The following NAA16 variants were observed in gnomAD, a reference collection of about 807,000 sequenced individuals.
NAA16 encodes N-alpha-acetyltransferase 16, NatA auxiliary subunit, also known as NARG1-like protein.
NAA16 carries 97 observed loss-of-function variants against 110.3 expected under a neutral mutation model. The observed-to-expected ratio is 0.88, with a 90% confidence interval of 0.75 to 1.04. NAA16 has a LOEUF of 1.04. Ranked by LOEUF, NAA16 falls within the 50% of genes least tolerant of loss-of-function variation. The pLI is 0.00. For synonymous variants in NAA16, 372 were observed against 330.6 expected (o/e 1.13, Z -1.36); for missense variants, 1,017 against 1,005.1 (o/e 1.01, Z -0.16).
chr13:41,318,974 T>C (rs2041878001), intron 3 of NAA16, 64 bp downstream of exon 3: 3 of 929,370 alleles, frequency 3.2e-6, no homozygotes, highest in Non-Finnish European at 4.7e-6. Context: ...TCAAATTAAA[T>C]TTGTACTATG....
chr13:41,370,695 G>T (rs2043298994), intron 15 of NAA16, among the ~76,000 whole-genome samples: 1 of 152,118 alleles, frequency 6.6e-6, no homozygotes, highest in Admixed American at 6.6e-5. Context: ...CAGAACCCCT[G>T]GCCATCCGGA....
chr13:41,353,101 C>T (rs2042881525), intron 9 of NAA16, among the ~76,000 whole-genome samples: 2 of 114,892 alleles, frequency 1.7e-5, no homozygotes, highest in Admixed American at 9.8e-5. Flanking sequence ...GGTGACAGAG[C>T]GAGACTCCAT....
At chr13:41,373,616 C>T in intron 17 of NAA16, 21 bp from the exon 18 acceptor site, 1 of 1,548,992 alleles carries the variant, frequency 6.5e-7, no homozygotes, top group East Asian at 2.3e-5. Context: ...ACAAAAAATC[C>T]AAATGTTTTT....
At chr13:41,353,768 TAC>T (rs58020530) in intron 9 of NAA16, among the ~76,000 whole-genome samples, 49,422 of 146,408 alleles carry the variant, frequency 0.34, 8,285 homozygotes, top group Admixed American at 0.41. Context: ...CCCTGTCTCT[TAC>T]ACACACACAC....
At chr13:41,314,000 G>A (rs745864165) in intron 1 of NAA16, among the ~76,000 whole-genome samples, 1 of 152,090 alleles carries the variant, frequency 6.6e-6, no homozygotes, top group Admixed American at 6.5e-5. Flanking sequence ...GAGATTACAG[G>A]TTGACTTGTC....
At position 41,331,177 on chromosome 13, in the gene NAA16, C is replaced by G. The variant is rs116360230; in HGVS notation, c.812-97C>G. Reference sequence around the variant, plus strand: ...GAAAGCAGCTTTAATATTGTTAATGCAGTTTTATTTATAACAAAATTTTAG... The same window carrying G: ...GAAAGCAGCTTTAATATTGTTAATGGAGTTTTATTTATAACAAAATTTTAG... On this transcript the variant is annotated intron_variant, in intron 7 of 19. Coordinates refer to ENST00000379406, the MANE Select transcript of NAA16 (RefSeq NM_024561.5). 4.4e-6 allele frequency: 3 copies of G among 686,824 alleles called. No individual in the cohort carries two copies. In the Admixed American group the frequency reaches 7.8e-5, roughly 18 times the overall value. 42.5% of individuals were successfully genotyped at this position (686,824 alleles called of 1,614,324 possible).
intron 8 of NAA16, among the ~76,000 whole-genome samples, chr13:41,331,891 A>G (rs1441754261): frequency 6.6e-6 from 1 of 152,176 alleles, no homozygotes; most frequent in Admixed American, 6.5e-5. Flanking sequence ...ATGTAACAAA[A>G]TATCATGTAC....
rs144551005 is a variant in NAA16, at chr13:41,362,039, A to G, written c.1419A>G (p.Thr473=). The G allele has an allele frequency of 7.3e-5, 118 of 1,610,638 alleles. No individual in the cohort carries two copies. In the African/African-American group the frequency reaches 1.5e-3, roughly 20 times the overall value. Residue 473 remains threonine, a synonymous_variant, in exon 13 of 20, where the codon ACA becomes ACG. Transcript: ENST00000379406. ...GAATGCTTCCATTTCAGGAAGGAAC[A>G]TCTGCCATGGAAAATCTAAATGAAA... ...EMCSKFTREG[T]SAMENLNEMQ...
At position 41,358,483 on chromosome 13, in the gene NAA16, G is replaced by C. The variant is rs1235215899; in HGVS notation, c.1257+10G>C. On this transcript the variant is annotated intron_variant, in intron 11 of 19. Coordinates refer to ENST00000379406, the MANE Select transcript of NAA16 (RefSeq NM_024561.5). Reference sequence around the variant, plus strand: ...AGCAAAAATTTACAAGGTAAAATCTGAATCCTGTTTTTTGAGTAGTTGAAG... The same window carrying C: ...AGCAAAAATTTACAAGGTAAAATCTCAATCCTGTTTTTTGAGTAGTTGAAG... 6.2e-6 allele frequency: 10 copies of C among 1,612,396 alleles called. No individual in the cohort carries two copies. Among genetic ancestry groups the C allele is most frequent in the Non-Finnish European group, 5.9e-6 (7 of 1,179,002 alleles).
chr13:41,349,141 T>G (rs895430837), intron 9 of NAA16, among the ~76,000 whole-genome samples: 2 of 152,094 alleles, frequency 1.3e-5, no homozygotes, highest in Non-Finnish European at 2.9e-5. Context: ...TTTTGCTTGT[T>G]TTAGGTTTAA....
chr13:41,325,889 A>C (rs758142658), intron 6 of NAA16, 38 bp downstream of exon 6: 7 of 1,500,646 alleles, frequency 4.7e-6, no homozygotes, highest in Non-Finnish European at 5.4e-6. Context: ...CCTCAAACAG[A>C]AAACAAAAAA....
chr13:41,366,387 T>A (rs2043207621), intron 13 of NAA16, among the ~76,000 whole-genome samples: 1 of 152,170 alleles, frequency 6.6e-6, no homozygotes, highest in South Asian at 2.1e-4. Flanking sequence ...AGAGGGAACA[T>A]GAACTAGTAG....
Position 41,347,534 on chromosome 13 carries a change from T to C in NAA16, c.1015-7610T>C, listed in dbSNP as rs1430478559. On this transcript the variant is annotated intron_variant, in intron 9 of 19. Coordinates refer to ENST00000379406, the MANE Select transcript of NAA16 (RefSeq NM_024561.5). ...CTTTGATTTCTTTCAACCAATGTTT[T>C]GTAATTATTGTACAAGTCTTGTGCA... 2.0e-5 allele frequency among the ~76,000 whole-genome samples: 3 copies of C among 152,194 alleles called. No homozygotes were observed. The East Asian group carries it at 5.8e-4, about 29-fold the overall frequency.
At chr13:41,350,583 A>T (rs1038267302) in intron 9 of NAA16, among the ~76,000 whole-genome samples, 1 of 140,860 alleles carries the variant, frequency 7.1e-6, no homozygotes, top group African/African-American at 2.7e-5. Context: ...GGCTTGAGCC[A>T]CCGCGCCCTG....
intron 9 of NAA16, among the ~76,000 whole-genome samples, chr13:41,348,695 C>T (rs923617734): frequency 2.0e-5 from 3 of 151,728 alleles, no homozygotes; most frequent in East Asian, 1.9e-4. Flanking sequence ...TTTGGGGGGG[C>T]GGGAAGAGTT....
chr13:41,325,624 A>C (rs1374942083), intron 5 of NAA16, 74 bp from the exon 6 acceptor site: 2 of 912,968 alleles, frequency 2.2e-6, no homozygotes, highest in Non-Finnish European at 3.1e-6. Context: ...TCTCCTGAGA[A>C]GGCAGTTTAA....
In NAA16 at chr13:41,352,713, G is replaced by A. The variant is rs115950273; in HGVS notation, c.1015-2431G>A. On this transcript the variant is annotated intron_variant, in intron 9 of 19. Transcript: ENST00000379406. The stretch of plus-strand genomic sequence containing the variant: ...ATTCAAGAAGTATGCCTAATGAACC[G>A]CAACGGTCAGTCCCCTTTGTTGTTT... Among the ~76,000 whole-genome samples, 543 of 152,172 alleles carry A rather than the reference G, an allele frequency of 3.6e-3. 1 individual carries two copies. The highest frequency in any genetic ancestry group is 0.012 in the African/African-American group (492 of 41,528).
chr13:41,358,995 C>A, intron 12 of NAA16, 33 bp downstream of exon 12: 1 of 1,545,524 alleles, frequency 6.5e-7, no homozygotes, highest in South Asian at 1.2e-5. Flanking sequence ...ATGTAATTGT[C>A]TAAATTAAGA....
chr13:41,346,025 C>G (rs2042672219), intron 9 of NAA16, among the ~76,000 whole-genome samples: 2 of 152,048 alleles, frequency 1.3e-5, no homozygotes, highest in Admixed American at 6.6e-5. Flanking sequence ...TCCAGCTTAT[C>G]TTTTTTTTCC....
Sources: gnomAD v4.1 joint callset for allele counts (sites outside exome capture counted in the v4.1 genomes callset) on GRCh38, gnomAD v4.1.1 for gene constraint, MANE v1.5 for transcripts, NCBI Gene and HGNC (gene_info 2026-07-23, HGNC 2026-07-21) for gene names.